Variants in R3HCC1L observed in about 807,000 individuals in gnomAD.
R3HCC1L encodes the protein coiled-coil domain-containing protein R3HCC1L.
A neutral mutation model predicts 59.9 loss-of-function variants in R3HCC1L; 51 were observed. The ratio of observed to expected loss-of-function variants is 0.85; its 90% CI spans 0.68 to 1.07. R3HCC1L has a LOEUF of 1.07. R3HCC1L is among the 50% of genes least tolerant of loss of function. R3HCC1L has a pLI of 0.00. For synonymous variants in R3HCC1L, 322 were observed against 315.2 expected (o/e 1.02, Z -0.23); for missense variants, 965 against 933.0 (o/e 1.03, Z -0.45).
intron 4 of R3HCC1L, among the ~76,000 whole-genome samples, chr10:98,175,067 G>A (rs1437258891): frequency 4.6e-5 from 7 of 152,108 alleles, no homozygotes; most frequent in South Asian, 2.1e-4. Flanking sequence ...GTTTCTCATC[G>A]TTAACGCGTG....
chr10:98,170,436 G>A (rs936053734), intron 4 of R3HCC1L, among the ~76,000 whole-genome samples: 2 of 152,038 alleles, frequency 1.3e-5, no homozygotes, highest in African/African-American at 2.4e-5. Flanking sequence ...CTCCCTCTCA[G>A]CCTTCCAAGT....
At chr10:98,195,822 A>G (rs1851372593) in intron 4 of R3HCC1L, among the ~76,000 whole-genome samples, 1 of 152,202 alleles carries the variant, frequency 6.6e-6, no homozygotes, top group Non-Finnish European at 1.5e-5. Context: ...TCATCGATAA[A>G]TATTAGCTGC....
rs960287181 is a variant in R3HCC1L at position 98,221,878 on chromosome 10, A to G, written c.1786-9634A>G. Among the ~76,000 whole-genome samples, 14 of 152,290 alleles carry G rather than the reference A, an allele frequency of 9.2e-5. No individual in the cohort carries two copies. In the South Asian group the frequency reaches 2.5e-3, roughly 27 times the overall value. On this transcript the variant is annotated intron_variant, in intron 5 of 9. Coordinates refer to ENST00000298999, the MANE Select transcript of R3HCC1L (RefSeq NM_001351015.2). ...GCGATTCGGGCTCTTTTTTGGTTCC[A>G]TATGAACTTTAAAGTAGTTTTTTCC...
At chr10:98,182,956 T>C (rs1849798452) in intron 4 of R3HCC1L, among the ~76,000 whole-genome samples, 1 of 152,180 alleles carries the variant, frequency 6.6e-6, no homozygotes, top group South Asian at 2.1e-4. Context: ...TGGCTTCCCT[T>C]GGCTAGGAAA....
chr10:98,155,803 T>G (rs950071612), intron 1 of R3HCC1L, among the ~76,000 whole-genome samples: 5 of 138,266 alleles, frequency 3.6e-5, no homozygotes, highest in South Asian at 2.2e-4. Context: ...GATTTACTGG[T>G]TTTTTTTTTT....
intron 4 of R3HCC1L, among the ~76,000 whole-genome samples, chr10:98,169,777 A>G (rs1848333473): frequency 6.6e-6 from 1 of 152,204 alleles, no homozygotes; most frequent in Admixed American, 6.5e-5. Context: ...AGTTATTCTA[A>G]AATGTATTTG....
Position 98,244,317 on chromosome 10 carries a change from C to G in R3HCC1L, c.*159C>G. The G allele has an allele frequency of 1.6e-5, 10 of 619,874 alleles. No individual in the cohort carries two copies. Among genetic ancestry groups the G allele is most frequent in the Non-Finnish European group, 2.8e-5 (10 of 362,684 alleles). The allele number at this position is 619,874 out of a possible 1,614,324, so 38.4% of individuals were successfully genotyped here. ...TGACTGGGTATAGAAGGAAGACAGA[C>G]TCCTGTCTTCACTCCTAAATGCAGT... On this transcript the variant is annotated 3_prime_UTR_variant, in exon 10 of 10. Coordinates refer to ENST00000298999, the MANE Select transcript of R3HCC1L (RefSeq NM_001351015.2).
intron 4 of R3HCC1L, among the ~76,000 whole-genome samples, chr10:98,173,988 G>A (rs1198222236): frequency 6.6e-6 from 1 of 152,184 alleles, no homozygotes; most frequent in Non-Finnish European, 1.5e-5. Context: ...CACCTGCTAT[G>A]CCTGCACTCA....
In R3HCC1L at chr10:98,237,731, C is replaced by T. The variant is rs560598223; in HGVS notation, c.2269+1567C>T. Among the ~76,000 whole-genome samples the T allele has an allele frequency of 3.3e-5, 5 of 152,280 alleles. No individual in the cohort carries two copies. The East Asian group carries it at 9.6e-4, about 29-fold the overall frequency. On this transcript the variant is annotated intron_variant, in intron 9 of 9. Transcript: ENST00000298999. Reference sequence around the variant, plus strand: ...ATTATGAGGACTCTTTATTATGCTCCAGCGTGCTACCATTCTTTATATCTG... The same window carrying T: ...ATTATGAGGACTCTTTATTATGCTCTAGCGTGCTACCATTCTTTATATCTG...
chr10:98,152,242 T>A (rs935458626), intron 1 of R3HCC1L, among the ~76,000 whole-genome samples: 1 of 152,192 alleles, frequency 6.6e-6, no homozygotes, highest in African/African-American at 2.4e-5. Flanking sequence ...GACGGAGTCT[T>A]GTTCACTCAG....
At position 98,174,248 on chromosome 10, in the gene R3HCC1L, T is replaced by C. The variant is rs75144988; in HGVS notation, c.-15+10851T>C. On this transcript the variant is annotated intron_variant, in intron 4 of 9. Transcript: ENST00000298999. ...TTAATGTTTTTCATGTGTCGGGCAT[T>C]GTATTCAGCTCTGGAGATACGAAGA... Among the ~76,000 whole-genome samples the C allele has an allele frequency of 3.0e-3, 454 of 152,304 alleles. 4 individuals carry two copies. Among genetic ancestry groups the C allele is most frequent in the African/African-American group, 9.3e-3 (385 of 41,568 alleles).
intron 2 of R3HCC1L, among the ~76,000 whole-genome samples, chr10:98,157,572 T>G: frequency 6.6e-6 from 1 of 152,202 alleles, no homozygotes; most frequent in East Asian, 1.9e-4. Flanking sequence ...GGATTTCTGA[T>G]GGTAAATTGG....
intron 1 of R3HCC1L, among the ~76,000 whole-genome samples, chr10:98,143,250 A>T (rs1845339606): frequency 6.6e-6 from 1 of 152,236 alleles, no homozygotes; most frequent in Admixed American, 6.5e-5. Context: ...GAGAAGATCC[A>T]GAAGGAAAAG....
At chr10:98,236,975 TTAAAC>T in intron 9 of R3HCC1L, among the ~76,000 whole-genome samples, 1 of 152,322 alleles carries the variant, frequency 6.6e-6, no homozygotes, top group East Asian at 1.9e-4. Context: ...CATTTTTCCA[TTAAAC>T]GAATTGAAGT....
chr10:98,182,698 T>G (rs564031481), intron 4 of R3HCC1L, among the ~76,000 whole-genome samples: 2 of 152,268 alleles, frequency 1.3e-5, no homozygotes, highest in African/African-American at 4.8e-5. Flanking sequence ...CTCTACCCAG[T>G]TTGAACTTCC....
Position 98,208,555 on chromosome 10 carries a change from T to C in R3HCC1L, c.441T>C (p.Cys147=), listed in dbSNP as rs1175665068. 4 of 1,613,988 alleles carry C rather than the reference T, an allele frequency of 2.5e-6. No individual in the cohort carries two copies. The highest frequency in any genetic ancestry group is 3.4e-6 in the Non-Finnish European group (4 of 1,180,026). ...ATTTTAAACCAAAGAAGGTGGAGTGTTTGGAAGTTGAAACTACGGATGTGA... is the reference window on the plus strand; with the variant it reads ...ATTTTAAACCAAAGAAGGTGGAGTGCTTGGAAGTTGAAACTACGGATGTGA... ...QRHFKPKKVE[C]LEVETTDVTG... Residue 147 remains cysteine (C), a synonymous_variant, in exon 5 of 10, where the codon TGT becomes TGC. Transcript: ENST00000298999.
At chr10:98,176,223 C>T (rs2147894) in intron 4 of R3HCC1L, among the ~76,000 whole-genome samples, 145,913 of 152,248 alleles carry the variant, frequency 0.96, 70,210 homozygotes, top group East Asian at 1. Flanking sequence ...TCTCCATCTT[C>T]ATCCCTTTTC....
At chr10:98,168,210 C>T (rs1481380031) in intron 4 of R3HCC1L, among the ~76,000 whole-genome samples, 2 of 152,138 alleles carry the variant, frequency 1.3e-5, no homozygotes, top group African/African-American at 4.8e-5. Flanking sequence ...CTTTGTATTA[C>T]ATATTATATT....
intron 4 of R3HCC1L, among the ~76,000 whole-genome samples, chr10:98,183,331 C>CTTTTTTTTTTTT: frequency 7.2e-6 from 1 of 138,212 alleles, no homozygotes. Context: ...TGTATTGTGT[C>CTTTTTTTTTTTT]TTTTTTTTTT....
Sources: gnomAD v4.1 joint callset for allele counts (sites outside exome capture counted in the v4.1 genomes callset) on GRCh38, gnomAD v4.1.1 for gene constraint, MANE v1.5 for transcripts, NCBI Gene and HGNC (gene_info 2026-07-23, HGNC 2026-07-21) for gene names.